Variants in C20orf173 observed in about 807,000 individuals in gnomAD.
C20orf173 encodes uncharacterized protein C20orf173.
Under a neutral mutation model 26.7 loss-of-function variants are expected in C20orf173, and 22 were observed. The ratio of observed to expected loss-of-function variants is 0.82; its 90% CI spans 0.59 to 1.18. C20orf173 has a LOEUF of 1.18. C20orf173 is among the 50% of genes most tolerant of loss of function. The pLI is 0.00. For missense variants in C20orf173, 210 were observed against 250.3 expected (o/e 0.84, Z 1.09); for synonymous variants, 85 against 96.4 (o/e 0.88, Z 0.69).
chr20:35,523,981 C>A (rs929978465), downstream of C20orf173, among the ~76,000 whole-genome samples: 4 of 152,110 alleles, frequency 2.6e-5, no homozygotes, highest in Non-Finnish European at 5.9e-5. Flanking sequence ...ACCTTTAGCC[C>A]TTAACACCTC....
downstream of C20orf173, among the ~76,000 whole-genome samples, chr20:35,525,766 C>T (rs1450043301): frequency 6.6e-6 from 1 of 152,204 alleles, no homozygotes; most frequent in African/African-American, 2.4e-5. Flanking sequence ...AGCAGAGGTA[C>T]ACTGCTTCTT....
chr20:35,528,689 C>G lies in C20orf173; in HGVS notation c.488+12G>C, dbSNP rs1212216581. 3.3e-6 allele frequency: 5 copies of G among 1,528,770 alleles called. No individual in the cohort carries two copies. In the East Asian group the frequency reaches 9.8e-5, roughly 30 times the overall value. 94.7% of individuals were successfully genotyped at this position (1,528,770 alleles called of 1,614,324 possible). A position where few individuals can be genotyped will look rare whatever the true frequency, so the allele number is the denominator to read the frequency against. ...CTGGCCTTCCTGCTCCCGCCCTCTC[C>G]CCAGCACCCACCTGAAAACCACGGG... On this transcript the variant is annotated intron_variant, in intron 3 of 5. Transcript: ENST00000444723.
chr20:35,529,119 C>T lies in C20orf173; in HGVS notation c.255G>A (p.Gly85=), dbSNP rs1568862470. 6 of 1,551,594 alleles carry T rather than the reference C, an allele frequency of 3.9e-6. No individual in the cohort carries two copies. The African/African-American group carries it at 8.2e-5, about 21-fold the overall frequency. Residue 85 remains glycine (G), a synonymous_variant, in exon 2 of 6, where the codon GGG becomes GGA. Transcript: ENST00000444723. Reference sequence around the variant, plus strand: ...TAGACTCTCTTGTCCTCATCAGGTACCCCATAGTCTTCCTGGAGCACGCAT... The same window carrying T: ...TAGACTCTCTTGTCCTCATCAGGTATCCCATAGTCTTCCTGGAGCACGCAT... ...WLDACSRKTM[G]YLMRTRESMT... is the part of the protein sequence containing the mutation.
At position 35,529,310 on chromosome 20, in the gene C20orf173, GGGT is replaced by G; in HGVS notation, c.61_63del (p.Thr21del). On this transcript the variant is annotated inframe_deletion, in exon 2 of 6. Coordinates refer to ENST00000444723, the MANE Select transcript of C20orf173 (RefSeq NM_001145350.2). ...GATTCAGGTGTCAGATCCAGATAGGGGGTCATCAGCCAGAGGATGAGCACCCAA... is the reference window on the plus strand; with the variant it reads ...GATTCAGGTGTCAGATCCAGATAGGGCATCAGCCAGAGGATGAGCACCCAA... 1 of 1,551,232 alleles carries G rather than the reference GGGT, an allele frequency of 6.4e-7. No homozygotes were observed. Among genetic ancestry groups the G allele is most frequent in the Non-Finnish European group, 8.7e-7 (1 of 1,146,906 alleles).
chr20:35,528,309 A>C, intron 4 of C20orf173, 25 bp from the exon 5 acceptor site: 1 of 1,551,572 alleles, frequency 6.4e-7, no homozygotes, highest in South Asian at 1.2e-5. Flanking sequence ...GAGGTGGGGG[A>C]GTTTGGGCCA....
At chr20:35,526,648 A>C (rs1197634940), downstream of C20orf173, among the ~76,000 whole-genome samples, 9 of 151,206 alleles carry the variant, frequency 6.0e-5, no homozygotes, top group East Asian at 1.5e-3. Flanking sequence ...AAAAAAAAAA[A>C]AAGCGAATTG....
At chr20:35,526,757 C>T (rs147713121), downstream of C20orf173, among the ~76,000 whole-genome samples, 70 of 148,192 alleles carry the variant, frequency 4.7e-4, no homozygotes, top group Admixed American at 4.3e-3. Context: ...CCTCACCCTC[C>T]GGCATGGGTG....
At chr20:35,525,832 T>G (rs561175988), downstream of C20orf173, among the ~76,000 whole-genome samples, 8 of 152,332 alleles carry the variant, frequency 5.3e-5, no homozygotes, top group African/African-American at 1.9e-4. Flanking sequence ...CAGCAGCAGC[T>G]CTGCAATCCT....
chr20:35,525,756 A>G (rs1201120446), downstream of C20orf173, among the ~76,000 whole-genome samples: 1 of 152,248 alleles, frequency 6.6e-6, no homozygotes, highest in African/African-American at 2.4e-5. Flanking sequence ...GCACAGCAGC[A>G]GCAGAGGTAC....
chr20:35,525,588 C>T (rs1279648555), downstream of C20orf173, among the ~76,000 whole-genome samples: 2 of 152,132 alleles, frequency 1.3e-5, no homozygotes. Flanking sequence ...AAACAGAAGA[C>T]ACAGGGGAGT....
downstream of C20orf173, among the ~76,000 whole-genome samples, chr20:35,524,211 G>T (rs919074575): frequency 6.6e-6 from 1 of 151,868 alleles, no homozygotes; most frequent in African/African-American, 2.4e-5. Context: ...AGCAGAGACG[G>T]GGTTTCACCA....
At chr20:35,525,071 G>T (rs146241175), downstream of C20orf173, among the ~76,000 whole-genome samples, 5 of 151,144 alleles carry the variant, frequency 3.3e-5, no homozygotes, top group African/African-American at 1.2e-4. Context: ...GTCTAGAAAC[G>T]CCATTATTCT....
chr20:35,528,489 A>G lies in C20orf173; in HGVS notation c.544T>C (p.Ser182Pro), dbSNP rs2064521844. The G allele has an allele frequency of 6.4e-7, 1 of 1,551,628 alleles. No homozygotes were observed. Residue 182 changes from serine to proline, a missense_variant, in exon 4 of 6, where the codon TCT becomes CCT. Transcript: ENST00000444723. The stretch of plus-strand genomic sequence containing the variant: ...GCATCTGAAGTCCACACCAGGTCAG[A>G]GAGCTTCCGCAGTAGCATCTCCAGC... ...MQLEMLLRKL[S>P]DLVWTSDALS...
At chr20:35,521,508 TGGGAGAGAGGAGA>T (rs1030427552), downstream of C20orf173, among the ~76,000 whole-genome samples, 122 of 152,032 alleles carry the variant, frequency 8.0e-4, 1 homozygote, top group African/African-American at 2.6e-3. Context: ...TGCGGGAATC[TGGGAGAGAGGAGA>T]GGGAGAGAGG....
downstream of C20orf173, among the ~76,000 whole-genome samples, chr20:35,523,624 G>A (rs1181599552): frequency 1.3e-5 from 2 of 152,198 alleles, no homozygotes; most frequent in Non-Finnish European, 2.9e-5. Flanking sequence ...TTCTGTGCCA[G>A]CCCAGTGATA....
At chr20:35,521,671 T>C (rs1004650398), downstream of C20orf173, among the ~76,000 whole-genome samples, 35 of 151,630 alleles carry the variant, frequency 2.3e-4, no homozygotes, top group Admixed American at 1.8e-3. Context: ...TACAGTGGCA[T>C]GATCTTGGCT....
intron 1 of C20orf173, 42 bp downstream of exon 1, chr20:35,529,517 C>T: frequency 4.3e-6 from 3 of 696,910 alleles, no homozygotes; most frequent in South Asian, 3.9e-5. Flanking sequence ...CTTCCACCTC[C>T]TTCCAACCCC....
At position 35,528,684 on chromosome 20, in the gene C20orf173, C is replaced by T. The variant is rs770870045; in HGVS notation, c.488+17G>A. 3.3e-6 allele frequency: 5 copies of T among 1,528,546 alleles called. No homozygotes were observed. The highest frequency in any genetic ancestry group is 4.9e-5 in the East Asian group (2 of 40,724). The allele number at this position is 1,528,546 out of a possible 1,614,324, so 94.7% of individuals were successfully genotyped here. On this transcript the variant is annotated intron_variant, in intron 3 of 5. Coordinates refer to ENST00000444723, the MANE Select transcript of C20orf173 (RefSeq NM_001145350.2). ...CAGGCCTGGCCTTCCTGCTCCCGCC[C>T]TCTCCCCAGCACCCACCTGAAAACC... is the stretch of plus-strand genomic sequence containing the variant.
intron 3 of C20orf173, 76 bp downstream of exon 3, chr20:35,528,625 G>A: frequency 6.5e-7 from 1 of 1,545,142 alleles, no homozygotes; most frequent in South Asian, 1.2e-5. Flanking sequence ...GCTTCATCTT[G>A]GGAAGGGGAG....
Sources: gnomAD v4.1 joint callset for allele counts (sites outside exome capture counted in the v4.1 genomes callset) on GRCh38, gnomAD v4.1.1 for gene constraint, MANE v1.5 for transcripts, NCBI Gene and HGNC (gene_info 2026-07-23, HGNC 2026-07-21) for gene names.